Variants in MYOF observed in about 807,000 individuals in gnomAD.
MYOF encodes the protein myoferlin, also known as fer-1-like 3, myoferlin.
A neutral mutation model predicts 284.2 loss-of-function variants in MYOF; 244 were observed. The observed-to-expected ratio is 0.86, with a 90% CI of 0.77 to 0.95. The LOEUF (loss-of-function observed/expected upper bound fraction) is 0.95. MYOF is among the 40% of genes least tolerant of loss of function. The pLI, the probability that MYOF is intolerant of heterozygous loss-of-function variation, is 0.00. For synonymous variants in MYOF, 904 were observed against 919.7 expected, an observed-to-expected ratio of 0.98 and a Z score of 0.31; for missense variants, 2,496 against 2,560.6, an observed-to-expected ratio of 0.97 and a Z score of 0.54.
intron 1 of MYOF, among the ~76,000 whole-genome samples, chr10:93,460,815 G>C (rs996306204): frequency 1.3e-5 from 2 of 150,998 alleles, no homozygotes; most frequent in Non-Finnish European, 2.9e-5. Flanking sequence ...AGTGCCACAG[G>C]CCAGGTGCGG....
Position 93,425,939 on chromosome 10 carries a change from T to G in MYOF, c.433+132A>C, listed in dbSNP as rs3740374. 57,482 of 866,998 alleles carry G rather than the reference T, an allele frequency of 0.066. 9,907 individuals carry two copies. In the East Asian group the frequency reaches 0.67, roughly 10 times the overall value. The allele number at this position is 866,998 out of a possible 1,614,324, so 53.7% of individuals were successfully genotyped here. On this transcript the variant is annotated intron_variant, in intron 5 of 53. Coordinates refer to ENST00000359263, the MANE Select transcript of MYOF (RefSeq NM_013451.4). ...CAATTCAGGCAGCCCCACCTGCCTC[T>G]CGGGGCCCCTGTCTGGGTGGGCAGG...
In MYOF at chr10:93,333,249, G is replaced by A. The variant is rs201714545; in HGVS notation, c.4783C>T (p.Pro1595Ser). ...CCAAAGACTGGGTTGAGAGTGTTGG[G>A]AATGTAGTGATCTCGGTCTTCAATG... is the stretch of plus-strand genomic sequence containing the variant. ...KVIEDRDHYI[P>S]NTLNPVFGRM... is the part of the protein sequence containing the mutation. The change falls in exon 43 of 54, where the codon CCC (proline) becomes TCC (serine). Residue 1595 changes from proline (P) to serine (S), a missense_variant. Pro to Ser is a moderately conservative substitution (Grantham distance 74). Transcript: ENST00000359263. The A allele has an allele frequency of 3.7e-6, 6 of 1,614,162 alleles. No individual in the cohort carries two copies. In the Admixed American group the frequency reaches 1.0e-4, roughly 27 times the overall value.
At chr10:93,403,650 C>A (rs1186083412) in intron 9 of MYOF, among the ~76,000 whole-genome samples, 1 of 152,220 alleles carries the variant, frequency 6.6e-6, no homozygotes, top group Admixed American at 6.5e-5. Context: ...GTTTGGCTTT[C>A]CTTTCACACT....
chr10:93,347,082 C>T (rs1844217589), intron 37 of MYOF, among the ~76,000 whole-genome samples: 1 of 152,168 alleles, frequency 6.6e-6, no homozygotes, highest in East Asian at 1.9e-4. Flanking sequence ...ATGCCACCCA[C>T]CCCTAAAACA....
chr10:93,391,965 G>A (rs989965230), intron 17 of MYOF, among the ~76,000 whole-genome samples: 13 of 152,220 alleles, frequency 8.5e-5, no homozygotes, highest in African/African-American at 2.9e-4. Flanking sequence ...ATTTAAGTAT[G>A]TTTTATTTTG....
At chr10:93,375,839 G>A (rs945290135) in intron 22 of MYOF, among the ~76,000 whole-genome samples, 3 of 152,144 alleles carry the variant, frequency 2.0e-5, no homozygotes, top group Non-Finnish European at 4.4e-5. Flanking sequence ...GTGTTGTGAT[G>A]AGACCCCCAA....
chr10:93,438,577 C>G (rs1317490045), intron 3 of MYOF, among the ~76,000 whole-genome samples: 1 of 152,052 alleles, frequency 6.6e-6, no homozygotes. Context: ...TCCCTGAGTC[C>G]GACTTTTTCC....
chr10:93,420,119 A>G (rs566740159), intron 5 of MYOF, among the ~76,000 whole-genome samples: 1 of 152,356 alleles, frequency 6.6e-6, no homozygotes, highest in Admixed American at 6.5e-5. Context: ...TCCATTAAAA[A>G]AATTAATTTT....
At chr10:93,354,623 C>T (rs996217666) in intron 31 of MYOF, among the ~76,000 whole-genome samples, 14 of 150,586 alleles carry the variant, frequency 9.3e-5, no homozygotes, top group Non-Finnish European at 1.8e-4. Flanking sequence ...ATTCATACTC[C>T]TTTTATTATT....
intron 38 of MYOF, among the ~76,000 whole-genome samples, chr10:93,341,494 C>T (rs370819767): frequency 3.9e-5 from 6 of 152,218 alleles, no homozygotes; most frequent in African/African-American, 1.2e-4. Context: ...CCAGGCTGGT[C>T]GCAAACTCCT....
chr10:93,372,843 G>T, intron 24 of MYOF, 87 bp downstream of exon 24: 1 of 1,475,512 alleles, frequency 6.8e-7, no homozygotes, highest in Non-Finnish European at 9.4e-7. Context: ...ACCATTCAAT[G>T]ATTTGCAAAT....
At chr10:93,316,840 A>T in intron 49 of MYOF, 27 bp from the exon 50 acceptor site, 1 of 1,581,090 alleles carries the variant, frequency 6.3e-7, no homozygotes, top group Non-Finnish European at 8.7e-7. Flanking sequence ...CATGATCATG[A>T]TGACTCTGAA....
intron 53 of MYOF, 129 bp downstream of exon 53, chr10:93,309,891 A>G: frequency 8.9e-7 from 1 of 1,126,586 alleles, no homozygotes; most frequent in Non-Finnish European, 1.2e-6. Context: ...TCCCCAAAGC[A>G]GAAGGGTTAC....
At chr10:93,347,035 C>A (rs1293276944) in intron 37 of MYOF, among the ~76,000 whole-genome samples, 1 of 152,138 alleles carries the variant, frequency 6.6e-6, no homozygotes, top group Non-Finnish European at 1.5e-5. Context: ...TTACATTCAC[C>A]CAGGAGCAGG....
At chr10:93,449,405 C>T (rs1373610491) in intron 3 of MYOF, among the ~76,000 whole-genome samples, 1 of 152,116 alleles carries the variant, frequency 6.6e-6, no homozygotes, top group African/African-American at 2.4e-5. Context: ...GTACCATTTG[C>T]AGAAAGAAGA....
At chr10:93,384,872 G>A (rs1452752808) in intron 19 of MYOF, among the ~76,000 whole-genome samples, 1 of 152,124 alleles carries the variant, frequency 6.6e-6, no homozygotes, top group Non-Finnish European at 1.5e-5. Context: ...ACAAGGCATG[G>A]GACATTAAAG....
intron 38 of MYOF, among the ~76,000 whole-genome samples, chr10:93,342,146 G>C (rs1164338029): frequency 6.6e-6 from 1 of 152,176 alleles, no homozygotes; most frequent in Non-Finnish European, 1.5e-5. Context: ...TCCGGAGTGT[G>C]ACACTGTCAC....
chr10:93,440,521 G>A (rs765575214), intron 3 of MYOF, among the ~76,000 whole-genome samples: 11 of 151,850 alleles, frequency 7.2e-5, no homozygotes, highest in East Asian at 1.9e-4. Context: ...TATTTTCTTC[G>A]TATCACTTAT....
Position 93,396,190 on chromosome 10 carries a change from T to C in MYOF, c.1369A>G (p.Thr457Ala), listed in dbSNP as rs759072708. 6 of 1,605,856 alleles carry C rather than the reference T, an allele frequency of 3.7e-6. No individual in the cohort carries two copies. Among genetic ancestry groups the C allele is most frequent in the South Asian group, 3.4e-5 (3 of 89,114 alleles). The change falls in exon 16 of 54, where the codon ACA becomes GCA. Residue 457 changes from threonine to alanine, a missense_variant. Physicochemically the swap from Thr to Ala is moderately conservative, Grantham distance 58. Around this residue, in one of 3 missense-constraint regions of MYOF, gnomAD observed 2,436 missense variants for 2,480.7 expected, o/e 0.98. Coordinates refer to ENST00000359263, the MANE Select transcript of MYOF (RefSeq NM_013451.4). ...GCAATTTTAGAGAGGTGTAGATATG[T>C]TGTTCCAACTACATCATTTTTAGTA... is the stretch of plus-strand genomic sequence containing the variant. ...RLTKNDVVGT[T>A]YLHLSKIAAS...
Sources: gnomAD v4.1 joint callset for allele counts (sites outside exome capture counted in the v4.1 genomes callset) on GRCh38, gnomAD v4.1.1 for gene constraint, gnomAD v4.1.1 regional missense constraint, MANE v1.5 for transcripts, NCBI Gene and HGNC (gene_info 2026-07-23, HGNC 2026-07-21) for gene names.